Variants in DLG2 observed in about 807,000 individuals in gnomAD.
DLG2 encodes the protein discs large MAGUK scaffold protein 2.
DLG2 carries 45 observed loss-of-function variants against 132.5 expected under a neutral mutation model. The observed-to-expected ratio is 0.34, with a 90% CI of 0.27 to 0.44. The LOEUF is 0.44. DLG2 is among the 20% of genes least tolerant of loss of function. The pLI is 1.00. For synonymous variants in DLG2, 424 were observed against 419.6 expected (o/e 1.01, Z -0.13); for missense variants, 1,045 against 1,196.9 (o/e 0.87, Z 1.87).
chr11:84,481,856 C>T (rs2099138659), intron 7 of DLG2, among the ~76,000 whole-genome samples: 1 of 152,168 alleles, frequency 6.6e-6, no homozygotes, highest in African/African-American at 2.4e-5. Context: ...AACATGAATG[C>T]TCCACCCAAA....
intron 6 of DLG2, among the ~76,000 whole-genome samples, chr11:84,696,994 T>A (rs1417355790): frequency 6.6e-6 from 1 of 151,392 alleles, no homozygotes; most frequent in African/African-American, 2.4e-5. Context: ...TCAGGAGAAC[T>A]AGGTACCTCA....
intron 21 of DLG2, among the ~76,000 whole-genome samples, chr11:83,532,198 TGTGA>T (rs2095766680): frequency 6.6e-6 from 1 of 152,118 alleles, no homozygotes; most frequent in Admixed American, 6.6e-5. Context: ...CACATGTATA[TGTGA>T]GTAAATATTC....
intron 18 of DLG2, among the ~76,000 whole-genome samples, chr11:83,753,855 T>TATATG (rs2093501681): frequency 1.5e-4 from 1 of 6,600 alleles, no homozygotes; most frequent in African/African-American, 1.1e-3. Flanking sequence ...ATATATATCA[T>TATATG]ATATATATTT....
intron 11 of DLG2, among the ~76,000 whole-genome samples, chr11:84,037,502 T>A (rs914934694): frequency 6.6e-6 from 1 of 152,298 alleles, no homozygotes; most frequent in Middle Eastern, 3.4e-3. Context: ...AGACTGTTTA[T>A]ATAACATATT....
chr11:84,889,013 C>T (rs1321719081), intron 6 of DLG2, among the ~76,000 whole-genome samples: 9 of 152,082 alleles, frequency 5.9e-5, no homozygotes, highest in Admixed American at 5.9e-4. Context: ...GTAATGATAC[C>T]TATGTCTTAT....
At chr11:85,324,174 A>C (rs1323894906) in intron 3 of DLG2, among the ~76,000 whole-genome samples, 1 of 152,194 alleles carries the variant, frequency 6.6e-6, no homozygotes, top group Non-Finnish European at 1.5e-5. Flanking sequence ...TGAATTATGT[A>C]GGCCCAGAGA....
chr11:83,975,945 G>T (rs2092140742), intron 12 of DLG2, among the ~76,000 whole-genome samples: 1 of 151,790 alleles, frequency 6.6e-6, no homozygotes, highest in Non-Finnish European at 1.5e-5. Context: ...CTTAAAGGAG[G>T]TTCTATGAGA....
At chr11:84,049,891 G>C (rs748720892) in intron 11 of DLG2, among the ~76,000 whole-genome samples, 2 of 151,668 alleles carry the variant, frequency 1.3e-5, no homozygotes, top group Non-Finnish European at 2.9e-5. Flanking sequence ...GGCTCTTGGG[G>C]GATGGATATG....
At chr11:84,288,175 A>C (rs1239016906) in intron 7 of DLG2, among the ~76,000 whole-genome samples, 2 of 152,068 alleles carry the variant, frequency 1.3e-5, no homozygotes, top group Non-Finnish European at 2.9e-5. Flanking sequence ...TAATATCACC[A>C]AGCTTTAGTT....
chr11:84,149,130 G>A (rs1345641928), intron 9 of DLG2, among the ~76,000 whole-genome samples: 1 of 152,048 alleles, frequency 6.6e-6, no homozygotes, highest in African/African-American at 2.4e-5. Flanking sequence ...GACCTTTGTA[G>A]ATGTATAGTT....
At chr11:84,205,781 A>C (rs556557393) in intron 8 of DLG2, among the ~76,000 whole-genome samples, 2 of 152,234 alleles carry the variant, frequency 1.3e-5, no homozygotes. Flanking sequence ...CTTCTATCTT[A>C]AAAAGCTACA....
intron 7 of DLG2, among the ~76,000 whole-genome samples, chr11:84,413,214 C>T (rs1471282054): frequency 6.6e-6 from 1 of 152,142 alleles, no homozygotes; most frequent in Non-Finnish European, 1.5e-5. Context: ...CTATTCCAGT[C>T]CTCTATCTCT....
intron 11 of DLG2, among the ~76,000 whole-genome samples, chr11:84,034,622 G>C (rs1288315144): frequency 6.6e-6 from 1 of 152,124 alleles, no homozygotes; most frequent in African/African-American, 2.4e-5. Context: ...GAGCAATGTG[G>C]TTCTGGGAAG....
At chr11:85,556,153 C>A (rs2076932663) in intron 3 of DLG2, among the ~76,000 whole-genome samples, 3 of 151,744 alleles carry the variant, frequency 2.0e-5, no homozygotes, top group African/African-American at 7.3e-5. Flanking sequence ...ATATGGTTAT[C>A]TAATACAATG....
At chr11:84,263,495 T>C (rs1185575909) in intron 7 of DLG2, among the ~76,000 whole-genome samples, 2 of 152,172 alleles carry the variant, frequency 1.3e-5, no homozygotes, top group African/African-American at 4.8e-5. Flanking sequence ...GTTTTTCTTG[T>C]AAACAGGTTA....
At chr11:85,348,478 C>G (rs1295942666) in intron 3 of DLG2, among the ~76,000 whole-genome samples, 1 of 152,016 alleles carries the variant, frequency 6.6e-6, no homozygotes, top group Non-Finnish European at 1.5e-5. Flanking sequence ...CCGCCTCGAC[C>G]TCTCAAAGTG....
intron 16 of DLG2, among the ~76,000 whole-genome samples, chr11:83,844,383 GAAA>G (rs111612093): frequency 7.8e-5 from 11 of 141,162 alleles, no homozygotes; most frequent in African/African-American, 2.4e-4. Flanking sequence ...CATCTCTATT[GAAA>G]AAAAAAAAAA....
chr11:83,823,643 T>C (rs79496981), intron 17 of DLG2, among the ~76,000 whole-genome samples: 4 of 149,544 alleles, frequency 2.7e-5, no homozygotes, highest in Non-Finnish European at 5.9e-5. Context: ...TGGGCAAAGA[T>C]GAGTCATTCA....
rs537417249 is a variant in DLG2 at position 85,505,636 on chromosome 11, G to A, written c.40+93021C>T. On this transcript the variant is annotated intron_variant, in intron 3 of 27. Transcript: ENST00000376104. ...TTTGGTTTGCCAGTATTTTATTGAG[G>A]ATTTTTGCATTGATGTTCATCAGGG... 4.5e-4 allele frequency among the ~76,000 whole-genome samples: 69 copies of A among 152,282 alleles called. 2 individuals are homozygous for A. The South Asian group carries it at 0.014, about 30-fold the overall frequency.
Sources: gnomAD v4.1 joint callset for allele counts (sites outside exome capture counted in the v4.1 genomes callset) on GRCh38, gnomAD v4.1.1 for gene constraint, MANE v1.5 for transcripts, NCBI Gene and HGNC (gene_info 2026-07-23, HGNC 2026-07-21) for gene names.